Variants in SASH1 observed in about 807,000 individuals in gnomAD.
SASH1 encodes SAM and SH3 domain-containing protein 1.
SASH1 carries 44 observed loss-of-function variants against 125.2 expected under a neutral mutation model. That is an observed-to-expected ratio of 0.35 (90% CI 0.28 to 0.45). The LOEUF (loss-of-function observed/expected upper bound fraction) is 0.45. Among genes scored for constraint, SASH1 ranks in the 20% least tolerant of loss-of-function variants. The pLI, the probability that SASH1 is intolerant of heterozygous loss-of-function variation, is 1.00. For synonymous variants in SASH1, 639 were observed against 649.1 expected, an observed-to-expected ratio of 0.98 and a Z score of 0.24; for missense variants, 1,426 against 1,614.5, an observed-to-expected ratio of 0.88 and a Z score of 2.00.
intron 1 of SASH1, among the ~76,000 whole-genome samples, chr6:148,366,094 T>C (rs943159333): frequency 4.6e-5 from 7 of 150,770 alleles, no homozygotes; most frequent in African/African-American, 1.5e-4. Context: ...GCCTGGGGGA[T>C]AGAGTGAAAC....
chr6:148,280,931 T>G (rs772101800), intron 1 of SASH1, among the ~76,000 whole-genome samples: 15 of 151,496 alleles, frequency 9.9e-5, no homozygotes, highest in Non-Finnish European at 1.6e-4. Flanking sequence ...AGAGTGTTGT[T>G]TTGTTTTGTT....
intron 1 of SASH1, among the ~76,000 whole-genome samples, chr6:148,354,527 C>T (rs113708907): frequency 1.5e-3 from 223 of 152,020 alleles, no homozygotes; most frequent in African/African-American, 4.9e-3. Flanking sequence ...ATTCAGTTAG[C>T]AGCTATTTTT....
At chr6:148,239,197 G>T in the SASH1 span, among the ~76,000 whole-genome samples, 15 of 152,302 alleles carry the variant, frequency 9.8e-5, 1 homozygote, top group South Asian at 3.1e-3. Context: ...TTGGTCTAAG[G>T]TGAGGGTTGT....
At chr6:148,446,147 C>G (rs12664918) in intron 4 of SASH1, among the ~76,000 whole-genome samples, 2 of 102,604 alleles carry the variant, frequency 1.9e-5, no homozygotes, top group Non-Finnish European at 3.9e-5. Context: ...CTCACTCTGT[C>G]GCCCAGGCTG....
At chr6:148,502,080 A>G (rs1366575536) in intron 8 of SASH1, among the ~76,000 whole-genome samples, 1 of 152,200 alleles carries the variant, frequency 6.6e-6, no homozygotes, top group African/African-American at 2.4e-5. Context: ...CTTTTTCCAA[A>G]TAAAACTATC....
the SASH1 span, among the ~76,000 whole-genome samples, chr6:148,238,741 T>C: frequency 1.3e-5 from 2 of 152,116 alleles, no homozygotes; most frequent in Non-Finnish European, 2.9e-5. Context: ...AGAAAAGGGC[T>C]TGGCGTACAG....
chr6:148,509,797 CTATTCATTT>C (rs956480804), intron 8 of SASH1, among the ~76,000 whole-genome samples: 9 of 152,208 alleles, frequency 5.9e-5, no homozygotes, highest in African/African-American at 2.2e-4. Flanking sequence ...CTCACAGATG[CTATTCATTT>C]TGTTCCTTTT....
intron 2 of SASH1, among the ~76,000 whole-genome samples, chr6:148,425,184 C>T (rs572282180): frequency 1.3e-5 from 2 of 152,264 alleles, no homozygotes; most frequent in East Asian, 1.9e-4. Context: ...TGGACCAGCA[C>T]GGCCAAGCTA....
intron 2 of SASH1, among the ~76,000 whole-genome samples, chr6:148,394,380 C>G (rs1783860147): frequency 6.6e-6 from 1 of 152,178 alleles, no homozygotes; most frequent in African/African-American, 2.4e-5. Context: ...CACTGTTAAC[C>G]TACTGAAAGT....
chr6:148,278,893 T>A (rs1331572467), intron 1 of SASH1: 2 of 152,136 alleles, frequency 1.3e-5, no homozygotes, highest in Non-Finnish European at 2.9e-5. Context: ...TGCTCCCAAA[T>A]GCCAAGAAAA....
At chr6:148,487,769 C>G (rs527398756) in intron 8 of SASH1, 54 bp downstream of exon 8, 2 of 1,267,074 alleles carry the variant, frequency 1.6e-6, no homozygotes, top group African/African-American at 1.5e-5. Context: ...AAGGGACAGT[C>G]TTCACCATTT....
intron 8 of SASH1, among the ~76,000 whole-genome samples, chr6:148,491,966 C>T (rs1416228681): frequency 3.9e-5 from 6 of 152,152 alleles, no homozygotes; most frequent in East Asian, 1.9e-4. Flanking sequence ...ATGTAAATCA[C>T]GAACCTAAAG....
intron 1 of SASH1, among the ~76,000 whole-genome samples, chr6:148,360,063 T>A (rs1359584327): frequency 6.6e-6 from 1 of 151,964 alleles, no homozygotes; most frequent in Non-Finnish European, 1.5e-5. Context: ...AGCTGAATTT[T>A]TTTTTTCTTT....
At chr6:148,215,623 C>G in the SASH1 span, among the ~76,000 whole-genome samples, 2 of 152,046 alleles carry the variant, frequency 1.3e-5, no homozygotes, top group Non-Finnish European at 2.9e-5. Flanking sequence ...AAATGGGATT[C>G]TCAGTAATAA....
At chr6:148,337,207 C>T (rs577483803) in intron 1 of SASH1, among the ~76,000 whole-genome samples, 1 of 151,276 alleles carries the variant, frequency 6.6e-6, no homozygotes, top group African/African-American at 2.4e-5. Context: ...CAGGTGCCCA[C>T]CACTACATCC....
At chr6:148,524,559 A>G (rs1351002097) in intron 10 of SASH1, 2 of 152,200 alleles carry the variant, frequency 1.3e-5, no homozygotes, top group African/African-American at 4.8e-5. Flanking sequence ...CATTGTTCCT[A>G]CTGAAATTAA....
chr6:148,293,915 A>T (rs763681509), intron 1 of SASH1, among the ~76,000 whole-genome samples: 4 of 152,244 alleles, frequency 2.6e-5, no homozygotes, highest in Non-Finnish European at 4.4e-5. Flanking sequence ...CTCTTTGAGC[A>T]TTAACATTTC....
chr6:148,308,421 G>T (rs905295609), intron 1 of SASH1, among the ~76,000 whole-genome samples: 1 of 145,706 alleles, frequency 6.9e-6, no homozygotes, highest in African/African-American at 2.5e-5. Flanking sequence ...TTGAGATGGA[G>T]TTTCACTCTG....
the SASH1 span, among the ~76,000 whole-genome samples, chr6:148,261,108 G>C: frequency 4.0e-3 from 612 of 152,128 alleles, 3 homozygotes; most frequent in African/African-American, 0.014. Context: ...CCCGGCATAA[G>C]GGCTTTTTAA....
Sources: allele counts gnomAD v4.1 joint callset (sites outside exome capture counted in the v4.1 genomes callset), GRCh38; gene constraint gnomAD v4.1.1; transcripts MANE v1.5; gene names NCBI Gene and HGNC (gene_info 2026-07-23, HGNC 2026-07-21).